Variants in CFAP65 observed in about 807,000 individuals in gnomAD.
CFAP65 encodes cilia and flagella associated protein 65.
Under a neutral mutation model 208.0 loss-of-function variants are expected in CFAP65, and 155 were observed. The ratio of observed to expected loss-of-function variants is 0.75; its 90% CI spans 0.65 to 0.85. The LOEUF (loss-of-function observed/expected upper bound fraction) is 0.85, where lower values mean the gene tolerates loss of function less well. CFAP65 is among the 40% of genes least tolerant of loss of function. The pLI is 0.00. For synonymous variants in CFAP65, 970 were observed against 986.3 expected, an observed-to-expected ratio of 0.98 and a Z score of 0.31; for missense variants, 2,294 against 2,451.3, an observed-to-expected ratio of 0.94 and a Z score of 1.36.
Position 219,005,561 on chromosome 2 carries a change from C to G in CFAP65, c.4924G>C (p.Glu1642Gln). 6.2e-6 allele frequency: 10 copies of G among 1,611,282 alleles called. No homozygotes were observed. The highest frequency in any genetic ancestry group is 8.5e-6 in the Non-Finnish European group (10 of 1,179,680). Residue 1642 changes from glutamate to glutamine, a missense_variant and splice_region_variant, in exon 32 of 35, where the codon GAG (glutamate) becomes CAG (glutamine). Glu to Gln is a conservative substitution (Grantham distance 29). Transcript: ENST00000341552. ...SEFPCHFLHRELPKRKAPREE... is the reference protein window; with the variant it reads ...SEFPCHFLHRQLPKRKAPREE... ...CTGGGGGCCTTCCTCTTTGGCAGCTCCCTGTGGCAGCCATGACATTCTGAG... is the reference window on the plus strand; with the variant it reads ...CTGGGGGCCTTCCTCTTTGGCAGCTGCCTGTGGCAGCCATGACATTCTGAG...
Position 219,010,084 on chromosome 2 carries a change from T to C in CFAP65, c.4310A>G (p.Asn1437Ser). ...IHSRLVVPGQ[N>S]VFLSQSHISL... Reference sequence around the variant, plus strand: ...AATATGAGACTGGGACAGGAAGACATTCTGTGGGTGGAGAGCGGAGGTAAA... The same window carrying C: ...AATATGAGACTGGGACAGGAAGACACTCTGTGGGTGGAGAGCGGAGGTAAA... The change falls in exon 27 of 35, where the codon AAT becomes AGT. Residue 1437 changes from asparagine to serine, a missense_variant and splice_region_variant. Physicochemically the swap from Asn to Ser is conservative, Grantham distance 46. Transcript: ENST00000341552. 1.3e-6 allele frequency: 2 copies of C among 1,591,540 alleles called. No individual in the cohort carries two copies. The highest frequency in any genetic ancestry group is 1.7e-6 in the Non-Finnish European group (2 of 1,168,256).
intron 4 of CFAP65, among the ~76,000 whole-genome samples, chr2:219,037,161 G>A (rs1039713388): frequency 1.8e-4 from 27 of 152,182 alleles, no homozygotes; most frequent in African/African-American, 6.3e-4. Flanking sequence ...GGAGGCTGAG[G>A]TGGGTGAATC....
At chr2:219,030,629 T>C (rs1947951518) in intron 9 of CFAP65, 60 bp downstream of exon 9, 13 of 1,584,740 alleles carry the variant, frequency 8.2e-6, no homozygotes, top group South Asian at 8.0e-5. Flanking sequence ...AAGGCGGTGA[T>C]TTTAGGAAAT....
chr2:219,027,367 TATCTC>T, intron 13 of CFAP65: 1 of 1,457,206 alleles, frequency 6.9e-7, no homozygotes, highest in African/African-American at 1.4e-5. Flanking sequence ...CCCCAGGGAG[TATCTC>T]CCTGTGCACC....
In CFAP65 at chr2:219,003,384, C is replaced by A; in HGVS notation, c.5556-112G>T. ...GAGCTCTACGGAGATTCCCATTCGACTCCCCTCATCCACTACACTATGGGG... is the reference window on the plus strand; with the variant it reads ...GAGCTCTACGGAGATTCCCATTCGAATCCCCTCATCCACTACACTATGGGG... On this transcript the variant is annotated intron_variant, in intron 33 of 34. Coordinates refer to ENST00000341552, the MANE Select transcript of CFAP65 (RefSeq NM_194302.4). The surrounding 1 kb of genome is among the most constrained non-coding windows in gnomAD (Gnocchi z 4.4). The A allele has an allele frequency of 7.6e-7, 1 of 1,307,852 alleles. No individual in the cohort carries two copies. Among genetic ancestry groups the A allele is most frequent in the East Asian group, 2.6e-5 (1 of 38,486 alleles). 81.0% of individuals were successfully genotyped at this position (1,307,852 alleles called of 1,614,324 possible).
intron 27 of CFAP65, 132 bp downstream of exon 27, chr2:219,009,809 AG>A: frequency 6.5e-6 from 1 of 153,806 alleles, no homozygotes; most frequent in Non-Finnish European, 8.6e-6. Context: ...GATGGGATGG[AG>A]TGGGGGGGGA....
chr2:219,003,188 C>T lies in CFAP65; in HGVS notation c.5640G>A (p.Val1880=), dbSNP rs1385945986. The change falls in exon 34 of 35, where the codon GTG becomes GTA. Residue 1880 remains valine, a synonymous_variant. Transcript: ENST00000341552. The surrounding 1 kb of genome is among the most constrained non-coding windows in gnomAD (Gnocchi z 4.4). The stretch of plus-strand genomic sequence containing the variant: ...TGACGCGTGGCCGCGAGGTGAGTAC[C>T]ACCTCCCCGCGGCTCGCCTCCACCA... ...NILVEASRGE[V]VLTSRPRVIA... The T allele has an allele frequency of 1.3e-6, 2 of 1,548,420 alleles. No individual in the cohort carries two copies. Among genetic ancestry groups the T allele is most frequent in the Non-Finnish European group, 1.7e-6 (2 of 1,145,782 alleles).
At chr2:219,013,166 C>A in intron 24 of CFAP65, 93 bp downstream of exon 24, 1 of 869,372 alleles carries the variant, frequency 1.2e-6, no homozygotes, top group Admixed American at 2.0e-5. Context: ...TTCCAGAGGG[C>A]CATGTCTTTG....
chr2:219,006,255 G>A (rs757924753), intron 30 of CFAP65, 32 bp from the exon 31 acceptor site: 7 of 1,586,346 alleles, frequency 4.4e-6, no homozygotes, highest in Non-Finnish European at 6.0e-6. Context: ...GATGACAAGG[G>A]TTTGGGCACC....
rs1325490814 is a variant in CFAP65 at position 219,006,609 on chromosome 2, G to A, written c.4675-100C>T. ...AGCACTTTGGAAGGCCAAGGCGGGC[G>A]GATCACCTGAGATCAGAAGTTTGAG... On this transcript the variant is annotated intron_variant, in intron 29 of 34. Coordinates refer to ENST00000341552, the MANE Select transcript of CFAP65 (RefSeq NM_194302.4). The A allele has an allele frequency of 4.3e-5, 50 of 1,156,292 alleles. No individual in the cohort carries two copies. In the Middle Eastern group the frequency reaches 7.2e-4, roughly 17 times the overall value. The allele number at this position is 1,156,292 out of a possible 1,614,324, so 71.6% of individuals were successfully genotyped here. A position where few individuals can be genotyped will look rare whatever the true frequency, so the allele number is the denominator to read the frequency against.
intron 15 of CFAP65, among the ~76,000 whole-genome samples, 173 bp downstream of exon 15, chr2:219,023,842 A>G (rs535137468): frequency 1.3e-5 from 2 of 152,278 alleles, no homozygotes; most frequent in Non-Finnish European, 1.5e-5. Context: ...GAGGGGTGGG[A>G]GAGTTGTTCA....
chr2:219,034,787 T>C (rs1424402175), intron 5 of CFAP65: 1 of 152,324 alleles, frequency 6.6e-6, no homozygotes, highest in Non-Finnish European at 1.5e-5. Context: ...TCATCCTCAT[T>C]CATTAGTAAT....
At position 219,027,779 on chromosome 2, in the gene CFAP65, G is replaced by A; in HGVS notation, c.2082C>T (p.Cys694=). 1.2e-6 allele frequency: 2 copies of A among 1,613,968 alleles called. No individual in the cohort carries two copies. Among genetic ancestry groups the A allele is most frequent in the Non-Finnish European group, 1.7e-6 (2 of 1,179,904 alleles). ...AGCTCTCTGGAGTCACCCAGAAGGG[G>A]CAGTCAGACCTTCGCGTCCAGACCA... ...IMVVWTRRSD[C]PFWVTPESCD... Residue 694 remains cysteine, a synonymous_variant, in exon 13 of 35, where the codon TGC becomes TGT. Transcript: ENST00000341552.
Position 219,004,425 on chromosome 2 carries a change from C to T in CFAP65, c.5082G>A (p.Glu1694=). The part of the protein sequence containing the change: ...RGLLEDKNFH[E]AVDQSLVEQV... ...GCTCCACCAGGCTTTGGTCCACAGC[C>T]TCATGGAAGTTCTTGTCTTCCAGCA... is the stretch of plus-strand genomic sequence containing the variant. The change falls in exon 33 of 35, where the codon GAG becomes GAA. Residue 1694 remains glutamate, a synonymous_variant. Transcript: ENST00000341552. The surrounding 1 kb of genome is among the most constrained non-coding windows in gnomAD (Gnocchi z 4.7). The T allele has an allele frequency of 6.2e-7, 1 of 1,612,430 alleles. No homozygotes were observed. Among genetic ancestry groups the T allele is most frequent in the Non-Finnish European group, 8.5e-7 (1 of 1,179,170 alleles).
In CFAP65 at chr2:219,004,935, T is replaced by TTTTTTCTTTCTTTC. The variant is rs1945842956; in HGVS notation, c.5052-481_5052-480insGAAAGAAAGAAAAA. On this transcript the variant is annotated intron_variant, in intron 32 of 34. Transcript: ENST00000341552. The surrounding 1 kb of genome is among the most constrained non-coding windows in gnomAD (Gnocchi z 4.7). ...TCTTTCTCTCTCTTTCTCTCCTCTT[T>TTTTTTCTTTCTTTC]TTTCTTTCTTTCTTTCTTTCTTTCT... 6.7e-6 allele frequency among the ~76,000 whole-genome samples: 1 copy of TTTTTTCTTTCTTTC among 149,024 alleles called. No individual in the cohort carries two copies. The highest frequency in any genetic ancestry group is 2.6e-5 in the African/African-American group (1 of 39,028).
intron 5 of CFAP65, among the ~76,000 whole-genome samples, chr2:219,033,177 A>G (rs1204269045): frequency 6.6e-6 from 1 of 152,212 alleles, no homozygotes; most frequent in Non-Finnish European, 1.5e-5. Context: ...GAGTGGTCAA[A>G]AATCTTTCCA....
Position 219,010,807 on chromosome 2 carries a change from T to A in CFAP65, c.4147A>T (p.Thr1383Ser). 6.2e-7 allele frequency: 1 copy of A among 1,605,544 alleles called. No individual in the cohort carries two copies. The highest frequency in any genetic ancestry group is 8.5e-7 in the Non-Finnish European group (1 of 1,173,860). ...ACGTCATCCAGGTTGCTGCTCACCG[T>A]GTAGGTCTTGGCCTCGATAGGTGAG... ...IFSPIEAKTY[T>S]VDVPIHILGW... The change falls in exon 25 of 35, where the codon ACG becomes TCG. Residue 1383 changes from threonine (T) to serine (S), a missense_variant and splice_region_variant. Coordinates refer to ENST00000341552, the MANE Select transcript of CFAP65 (RefSeq NM_194302.4).
At position 219,003,926 on chromosome 2, in the gene CFAP65, G is replaced by T. The variant is rs753521414; in HGVS notation, c.5555+26C>A. The T allele has an allele frequency of 1.9e-6, 3 of 1,595,818 alleles. No individual in the cohort carries two copies. The South Asian group carries it at 3.4e-5, about 18-fold the overall frequency. ...ACCTTCTGCACTTCGCCTCCCTCCCGTCCTCACTGGGGCCTGGCTGCTCAC... is the reference window on the plus strand; with the variant it reads ...ACCTTCTGCACTTCGCCTCCCTCCCTTCCTCACTGGGGCCTGGCTGCTCAC... On this transcript the variant is annotated intron_variant, in intron 33 of 34. Transcript: ENST00000341552. The surrounding 1 kb of genome is among the most constrained non-coding windows in gnomAD (Gnocchi z 4.4).
At chr2:219,006,833 C>CAAA (rs752764154) in intron 29 of CFAP65, among the ~76,000 whole-genome samples, 1,724 of 76,382 alleles carry the variant, frequency 0.023, 56 homozygotes, top group African/African-American at 0.074. Context: ...GACTCTGTCT[C>CAAA]AAAAAAAAAA....
Sources: allele counts gnomAD v4.1 joint callset (sites outside exome capture counted in the v4.1 genomes callset), GRCh38; gene constraint gnomAD v4.1.1; non-coding constraint Gnocchi (gnomAD v3.1); transcripts MANE v1.5; gene names NCBI Gene and HGNC (gene_info 2026-07-23, HGNC 2026-07-21).